The following SNX29 variants were observed in gnomAD, a reference collection of about 807,000 sequenced individuals.
The protein encoded by SNX29 is sorting nexin-29.
In SNX29, 78 loss-of-function variants were observed where a neutral mutation model predicts 102.1. The ratio of observed to expected loss-of-function variants is 0.76; its 90% CI spans 0.64 to 0.92. The LOEUF is 0.92. Among genes scored for constraint, SNX29 ranks in the 40% least tolerant of loss-of-function variants. The probability of loss-of-function intolerance (pLI) is 0.00; values close to 1 mark genes in which losing one functional copy is unlikely to be tolerated. For synonymous variants in SNX29, 580 were observed against 414.5 expected (o/e 1.40, Z -4.85); for missense variants, 1,280 against 1,061.7 (o/e 1.21, Z -2.86).
intron 11 of SNX29, among the ~76,000 whole-genome samples, chr16:12,084,101 CCCTCT>C (rs2052042977): frequency 1.3e-5 from 2 of 152,126 alleles, no homozygotes; most frequent in African/African-American, 4.8e-5. Flanking sequence ...TACTGCAAGG[CCCTCT>C]GGTACTTCAG....
At chr16:12,439,593 A>G (rs2085706279) in intron 18 of SNX29, among the ~76,000 whole-genome samples, 1 of 152,220 alleles carries the variant, frequency 6.6e-6, no homozygotes, top group African/African-American at 2.4e-5. Context: ...CGTGAGACTC[A>G]TTCACTACCA....
chr16:12,477,171 C>T (rs1350896560), intron 18 of SNX29, among the ~76,000 whole-genome samples: 2 of 152,110 alleles, frequency 1.3e-5, no homozygotes, highest in Non-Finnish European at 2.9e-5. Flanking sequence ...TATGCTTATC[C>T]CATCTGGACA....
intron 7 of SNX29, among the ~76,000 whole-genome samples, chr16:12,051,360 C>T (rs183243535): frequency 0.013 from 1,932 of 149,616 alleles, 18 homozygotes; most frequent in Non-Finnish European, 0.021. Context: ...CAGAGCACTA[C>T]GCCAGCCAGA....
At chr16:12,455,988 A>G (rs892474131) in intron 18 of SNX29, among the ~76,000 whole-genome samples, 2 of 152,208 alleles carry the variant, frequency 1.3e-5, no homozygotes, top group African/African-American at 4.8e-5. Context: ...AATTCATTGC[A>G]TAGTAAAGAT....
chr16:12,463,849 T>TGTGTGTGAGA (rs1391788251), intron 18 of SNX29, among the ~76,000 whole-genome samples: 3 of 142,556 alleles, frequency 2.1e-5, no homozygotes, highest in Non-Finnish European at 4.7e-5. Context: ...TGTGTGTGTG[T>TGTGTGTGAGA]GTGTGAGAGA....
At chr16:12,051,482 A>G (rs2050299383) in intron 7 of SNX29, among the ~76,000 whole-genome samples, 2 of 152,124 alleles carry the variant, frequency 1.3e-5, no homozygotes, top group African/African-American at 2.4e-5. Flanking sequence ...TCAACCCTTG[A>G]CTACACCCCC....
intron 18 of SNX29, among the ~76,000 whole-genome samples, chr16:12,412,772 G>C (rs2151552102): frequency 6.6e-6 from 1 of 152,304 alleles, no homozygotes; most frequent in South Asian, 2.1e-4. Context: ...GGTAGAGGTG[G>C]ACACACCCTC....
intron 11 of SNX29, among the ~76,000 whole-genome samples, chr16:12,102,045 C>T (rs558380822): frequency 6.6e-6 from 1 of 152,270 alleles, no homozygotes; most frequent in African/African-American, 2.4e-5. Context: ...TGATAATTTG[C>T]TGAGAATGAT....
At chr16:12,265,267 T>TG (rs746493089) in intron 14 of SNX29, among the ~76,000 whole-genome samples, 17 of 152,142 alleles carry the variant, frequency 1.1e-4, no homozygotes, top group Admixed American at 2.6e-4. Context: ...GCTTTTCACT[T>TG]GGGGGGGAGA....
intron 16 of SNX29, among the ~76,000 whole-genome samples, chr16:12,359,184 G>A (rs985603517): frequency 1.3e-5 from 2 of 152,198 alleles, no homozygotes; most frequent in Non-Finnish European, 2.9e-5. Context: ...TGTCAGAATT[G>A]AATCAGAGGA....
intron 18 of SNX29, among the ~76,000 whole-genome samples, chr16:12,420,846 C>T (rs1055166369): frequency 3.3e-5 from 5 of 152,160 alleles, no homozygotes; most frequent in Admixed American, 1.3e-4. Flanking sequence ...GCCCCATGTC[C>T]GCCCTGGGGG....
At chr16:12,547,921 G>A (rs981416597) in intron 20 of SNX29, among the ~76,000 whole-genome samples, 1 of 152,132 alleles carries the variant, frequency 6.6e-6, no homozygotes, top group African/African-American at 2.4e-5. Flanking sequence ...TAGGGGTTCA[G>A]GGATACCTCA....
intron 20 of SNX29, among the ~76,000 whole-genome samples, chr16:12,542,102 A>G (rs550386001): frequency 1.3e-4 from 20 of 152,174 alleles, no homozygotes; most frequent in African/African-American, 4.6e-4. Flanking sequence ...GTCTCTTCCC[A>G]ACGGATCCCT....
intron 15 of SNX29, among the ~76,000 whole-genome samples, chr16:12,306,419 G>C (rs567474436): frequency 1.3e-5 from 2 of 152,050 alleles, no homozygotes; most frequent in South Asian, 4.2e-4. Context: ...ATGTCCTCCA[G>C]TATAAAACGA....
At chr16:12,118,695 C>T (rs1340316746) in intron 11 of SNX29, among the ~76,000 whole-genome samples, 1 of 152,136 alleles carries the variant, frequency 6.6e-6, no homozygotes, top group East Asian at 1.9e-4. Context: ...CACCCTCGAC[C>T]CTCACCTGAG....
intron 3 of SNX29, among the ~76,000 whole-genome samples, chr16:12,026,105 C>T (rs918183733): frequency 3.9e-5 from 6 of 152,106 alleles, no homozygotes; most frequent in African/African-American, 9.7e-5. Flanking sequence ...AGCAAATGCC[C>T]GAGGCCAGGC....
Position 12,569,577 on chromosome 16 carries a change from C to G in SNX29, c.*948C>G, listed in dbSNP as rs772807041. 3 of 230,468 alleles carry G rather than the reference C, an allele frequency of 1.3e-5. No homozygotes were observed. The highest frequency in any genetic ancestry group is 2.2e-5 in the African/African-American group (1 of 45,174). 14.3% of individuals were successfully genotyped at this position (230,468 alleles called of 1,614,324 possible). ...AGATCATGTGTCTCTCCACTAAAAA[C>G]ATTTTCCATCCCGTCTGCCCCCGAC... On this transcript the variant is annotated 3_prime_UTR_variant, in exon 21 of 21. Coordinates refer to ENST00000566228, the MANE Select transcript of SNX29 (RefSeq NM_032167.5).
chr16:11,980,198 A>G (rs2055384213), intron 1 of SNX29, among the ~76,000 whole-genome samples: 1 of 151,948 alleles, frequency 6.6e-6, no homozygotes, highest in East Asian at 1.9e-4. Context: ...CCTGGGAACC[A>G]CTCATCTACT....
chr16:12,401,618 C>T (rs2083947638), intron 17 of SNX29, among the ~76,000 whole-genome samples: 1 of 152,112 alleles, frequency 6.6e-6, no homozygotes. Context: ...CCTTCCTCAG[C>T]CTCCCAAAGT....
Sources: gnomAD v4.1 joint callset for allele counts (sites outside exome capture counted in the v4.1 genomes callset) on GRCh38, gnomAD v4.1.1 for gene constraint, MANE v1.5 for transcripts, NCBI Gene and HGNC (gene_info 2026-07-23, HGNC 2026-07-21) for gene names.